Variants in CTCF observed in about 807,000 individuals in gnomAD.
CTCF encodes transcriptional repressor CTCF.
In CTCF, 7 loss-of-function variants were observed where a neutral mutation model predicts 72.3. The observed-to-expected ratio is 0.10, with a 90% CI of 0.06 to 0.18. The LOEUF (loss-of-function observed/expected upper bound fraction) is 0.18. Among genes scored for constraint, CTCF ranks in the 10% least tolerant of loss-of-function variants. The probability of loss-of-function intolerance (pLI) is 1.00; values close to 1 mark genes in which losing one functional copy is unlikely to be tolerated. For synonymous variants in CTCF, 374 were observed against 315.8 expected (o/e 1.18, Z -1.95); for missense variants, 516 against 949.1 (o/e 0.54, Z 6.00).
At chr16:67,562,939 G>A (rs1303753533) in intron 1 of CTCF, among the ~76,000 whole-genome samples, 1 of 13,788 alleles carries the variant, frequency 7.3e-5, no homozygotes, top group East Asian at 2.6e-3. Context: ...CCGCCCGCCC[G>A]CCCGCTAGGC....
intron 1 of CTCF, among the ~76,000 whole-genome samples, chr16:67,562,988 G>C (rs1228336544): frequency 6.9e-6 from 1 of 145,412 alleles, no homozygotes; most frequent in African/African-American, 2.5e-5. Flanking sequence ...GGCGGCGGCA[G>C]AGGCAGAGGC....
At chr16:67,634,516 C>CT (rs35780985) in intron 10 of CTCF, among the ~76,000 whole-genome samples, 46,414 of 104,126 alleles carry the variant, frequency 0.45, 12,040 homozygotes, top group African/African-American at 0.69. Flanking sequence ...CCTAAATGGG[C>CT]TTTTTTTTTT....
intron 1 of CTCF, 122 bp downstream of exon 1, chr16:67,562,846 C>A: frequency 6.7e-6 from 1 of 149,898 alleles, no homozygotes; most frequent in South Asian, 1.8e-4. Context: ...GTTTGTCTCC[C>A]TCTACCGTCC....
intron 2 of CTCF, among the ~76,000 whole-genome samples, chr16:67,589,967 G>C (rs2051717418): frequency 6.6e-6 from 1 of 152,034 alleles, no homozygotes. Flanking sequence ...GGCATTTGTA[G>C]TCCCAGCTAC....
chr16:67,596,571 T>A (rs941936655), intron 2 of CTCF, among the ~76,000 whole-genome samples: 25 of 150,990 alleles, frequency 1.7e-4, no homozygotes, highest in Non-Finnish European at 3.5e-4. Flanking sequence ...ATAATTTTAT[T>A]TTTATTTTAT....
chr16:67,605,287 T>C (rs1489487034), intron 2 of CTCF, among the ~76,000 whole-genome samples: 7 of 152,338 alleles, frequency 4.6e-5, no homozygotes, highest in Admixed American at 6.5e-5. Context: ...TGACATCTTA[T>C]AATAAAAATA....
chr16:67,625,659 A>G (rs749169512), intron 7 of CTCF, among the ~76,000 whole-genome samples: 9 of 152,180 alleles, frequency 5.9e-5, no homozygotes, highest in Admixed American at 1.3e-4. Context: ...AACAACTTGT[A>G]CATTTATATT....
chr16:67,595,936 CT>C (rs923154179), intron 2 of CTCF, among the ~76,000 whole-genome samples: 3 of 151,394 alleles, frequency 2.0e-5, no homozygotes, highest in South Asian at 2.1e-4. Context: ...GAGTATCTTT[CT>C]TTTTTTTTCT....
chr16:67,580,984 A>C (rs963757683), intron 2 of CTCF, among the ~76,000 whole-genome samples: 3 of 151,658 alleles, frequency 2.0e-5, no homozygotes, highest in Non-Finnish European at 4.4e-5. Context: ...GCGGGAGTGC[A>C]GTGGCGCTAT....
At chr16:67,624,071 A>ATGTGTGTGTGTGTGTGTGTGTGTG in intron 7 of CTCF, among the ~76,000 whole-genome samples, 1 of 117,586 alleles carries the variant, frequency 8.5e-6, no homozygotes, top group Admixed American at 9.7e-5. Flanking sequence ...AAAATTATAT[A>ATGTGTGTGTGTGTGTGTGTGTGTG]TGTGTGTGTG....
intron 2 of CTCF, among the ~76,000 whole-genome samples, chr16:67,580,951 T>C (rs2051571652): frequency 6.6e-6 from 1 of 151,112 alleles, no homozygotes; most frequent in Non-Finnish European, 1.5e-5. Flanking sequence ...ATTTTTGAGA[T>C]GGAATCTCGC....
At chr16:67,606,865 C>T (rs1318610809) in intron 2 of CTCF, among the ~76,000 whole-genome samples, 1 of 151,002 alleles carries the variant, frequency 6.6e-6, no homozygotes, top group African/African-American at 2.4e-5. Context: ...AGGCTTCAAG[C>T]AATTCTCGAG....
intron 2 of CTCF, among the ~76,000 whole-genome samples, chr16:67,599,684 G>T (rs2051861961): frequency 6.6e-6 from 1 of 152,150 alleles, no homozygotes. Context: ...TCACCTAGAT[G>T]ATAGAGAAAC....
intron 7 of CTCF, chr16:67,623,313 G>T (rs1036340816): frequency 6.6e-6 from 1 of 151,628 alleles, no homozygotes; most frequent in Non-Finnish European, 1.5e-5. Context: ...TCCCCTCTTG[G>T]TCTCAGTAAA....
chr16:67,628,126 G>A (rs985558466), intron 8 of CTCF, among the ~76,000 whole-genome samples: 2 of 152,072 alleles, frequency 1.3e-5, no homozygotes, highest in Admixed American at 6.6e-5. Context: ...AGCCAGGCAT[G>A]GTGGCTCATA....
At chr16:67,569,554 G>C (rs2051385531) in intron 1 of CTCF, among the ~76,000 whole-genome samples, 1 of 152,056 alleles carries the variant, frequency 6.6e-6, no homozygotes, top group Non-Finnish European at 1.5e-5. Flanking sequence ...CTTGAAGCTT[G>C]ACAGTTCATT....
At chr16:67,587,993 G>C (rs1333756783) in intron 2 of CTCF, among the ~76,000 whole-genome samples, 1 of 151,976 alleles carries the variant, frequency 6.6e-6, no homozygotes, top group East Asian at 1.9e-4. Context: ...GAGTAGCTGG[G>C]ATTTCAGGCG....
At chr16:67,608,862 C>G (rs980583789) in intron 2 of CTCF, among the ~76,000 whole-genome samples, 1 of 151,998 alleles carries the variant, frequency 6.6e-6, no homozygotes, top group Non-Finnish European at 1.5e-5. Flanking sequence ...CTCAGCCTCC[C>G]AAGTAGCCAG....
intron 1 of CTCF, among the ~76,000 whole-genome samples, chr16:67,566,515 T>TAAAA (rs377253111): frequency 1.7e-4 from 13 of 76,270 alleles, no homozygotes; most frequent in East Asian, 4.3e-4. Context: ...GTCTCAAAAT[T>TAAAA]AAAAAAAAAA....
Sources: allele counts gnomAD v4.1 joint callset (sites outside exome capture counted in the v4.1 genomes callset), GRCh38; gene constraint gnomAD v4.1.1; transcripts MANE v1.5; gene names NCBI Gene and HGNC (gene_info 2026-07-23, HGNC 2026-07-21).